The following MND1 variants were observed in gnomAD, a reference collection of about 807,000 sequenced individuals.
MND1 encodes meiotic nuclear division protein 1 homolog.
MND1 carries 28 observed loss-of-function variants against 35.1 expected under a neutral mutation model. That is an observed-to-expected ratio of 0.80 (90% CI 0.59 to 1.09). The LOEUF (loss-of-function observed/expected upper bound fraction) is 1.09. Ranked by LOEUF, MND1 falls within the 50% of genes least tolerant of loss-of-function variation. The probability of loss-of-function intolerance (pLI) is 0.00; values close to 1 mark genes in which losing one functional copy is unlikely to be tolerated. For synonymous variants in MND1, 69 were observed against 70.5 expected (o/e 0.98, Z 0.11); for missense variants, 213 against 239.6 (o/e 0.89, Z 0.73).
intron 4 of MND1, among the ~76,000 whole-genome samples, chr4:153,378,086 AT>A (rs1159242776): frequency 6.6e-6 from 1 of 152,200 alleles, no homozygotes; most frequent in Non-Finnish European, 1.5e-5. Context: ...ACACTGAAAC[AT>A]ACAGAAACAT....
chr4:153,349,217 T>C (rs188255288), intron 1 of MND1, among the ~76,000 whole-genome samples: 50 of 152,234 alleles, frequency 3.3e-4, no homozygotes, highest in Non-Finnish European at 6.6e-4. Context: ...TATTAACATA[T>C]ATTTCAGCTA....
rs1773321960 is a variant in MND1, at chr4:153,355,671, A to C, written c.87A>C (p.Leu29Phe). 6.3e-7 allele frequency: 1 copy of C among 1,585,102 alleles called. No individual in the cohort carries two copies. Among genetic ancestry groups the C allele is most frequent in the Non-Finnish European group, 8.7e-7 (1 of 1,155,310 alleles). The change falls in exon 3 of 8, where the codon TTA (leucine) becomes TTC (phenylalanine). Residue 29 changes from leucine (L) to phenylalanine (F), a missense_variant. Leu to Phe is a conservative substitution (Grantham distance 22, BLOSUM62 0). Coordinates refer to ENST00000240488, the MANE Select transcript of MND1 (RefSeq NM_032117.4). The stretch of plus-strand genomic sequence containing the variant: ...TTAAACAGAAAGATGTATTTCAATT[A>C]AAAGACTTGGAGAAGATTGCTCCCA... ...IFSETKDVFQLKDLEKIAPKE... is the reference protein window; with the variant it reads ...IFSETKDVFQFKDLEKIAPKE...
intron 6 of MND1, among the ~76,000 whole-genome samples, chr4:153,407,636 A>AGTTTCT (rs1729557186): frequency 1.3e-5 from 2 of 152,182 alleles, no homozygotes; most frequent in Non-Finnish European, 2.9e-5. Context: ...TATTAGCAGA[A>AGTTTCT]ACAGCCCAAA....
intron 4 of MND1, among the ~76,000 whole-genome samples, chr4:153,393,363 TCTTTC>T (rs1200625992): frequency 6.8e-6 from 1 of 147,444 alleles, no homozygotes; most frequent in African/African-American, 2.6e-5. Context: ...AAATTCAATT[TCTTTC>T]TTTTTTTTTT....
At chr4:153,414,652 A>G in intron 7 of MND1, 99 bp from the exon 8 acceptor site, 2 of 519,596 alleles carry the variant, frequency 3.8e-6, no homozygotes, top group Non-Finnish European at 6.7e-6. Context: ...ATATATCTGA[A>G]AGTTAATAGA....
intron 7 of MND1, among the ~76,000 whole-genome samples, chr4:153,413,758 G>A (rs1729757378): frequency 6.6e-6 from 1 of 151,518 alleles, no homozygotes; most frequent in Admixed American, 6.6e-5. Context: ...TGAGCACACT[G>A]TCACGGTCCT....
chr4:153,398,788 T>C lies in MND1; in HGVS notation c.466+1455T>C, dbSNP rs139746405. Among the ~76,000 whole-genome samples, 215 of 152,312 alleles carry C rather than the reference T, an allele frequency of 1.4e-3. 2 individuals carry two copies. Among genetic ancestry groups the C allele is most frequent in the African/African-American group, 4.8e-3 (201 of 41,570 alleles). ...CTACAAAAATAAATACCTTAATCTG[T>C]TGGAAAGTTTTAACTAATACCAGGT... On this transcript the variant is annotated intron_variant, in intron 6 of 7. Transcript: ENST00000240488.
intron 6 of MND1, among the ~76,000 whole-genome samples, chr4:153,404,806 A>G (rs1729450078): frequency 1.3e-5 from 2 of 152,178 alleles, no homozygotes; most frequent in Non-Finnish European, 2.9e-5. Flanking sequence ...AGCGGATCAC[A>G]AAGTAGACAA....
intron 6 of MND1, among the ~76,000 whole-genome samples, chr4:153,402,180 A>G (rs1410977127): frequency 6.6e-6 from 1 of 152,210 alleles, no homozygotes; most frequent in Admixed American, 6.5e-5. Flanking sequence ...ATTAATTGCA[A>G]TATCAAAGAA....
At chr4:153,407,688 T>C (rs558813973) in intron 6 of MND1, among the ~76,000 whole-genome samples, 1 of 152,286 alleles carries the variant, frequency 6.6e-6, no homozygotes, top group South Asian at 2.1e-4. Flanking sequence ...TGTAAAATAG[T>C]ACTTCGCATA....
chr4:153,386,575 G>C lies in MND1; in HGVS notation c.277-7687G>C, dbSNP rs576145540. The stretch of plus-strand genomic sequence containing the variant: ...TACTAAAAATACAAAAATTAGTCAG[G>C]CGTGGTGGCATACCCCTGTAATCCC... On this transcript the variant is annotated intron_variant, in intron 4 of 7. Coordinates refer to ENST00000240488, the MANE Select transcript of MND1 (RefSeq NM_032117.4). Among the ~76,000 whole-genome samples, 75 of 152,166 alleles carry C rather than the reference G, an allele frequency of 4.9e-4. 2 individuals carry two copies. The highest frequency in any genetic ancestry group is 4.5e-3 in the Admixed American group (69 of 15,272).
intron 6 of MND1, among the ~76,000 whole-genome samples, chr4:153,402,958 G>T (rs1729383334): frequency 6.6e-6 from 1 of 152,050 alleles, no homozygotes; most frequent in South Asian, 2.1e-4. Flanking sequence ...TGAAGAAAAT[G>T]GCAAAACTCC....
intron 4 of MND1, chr4:153,361,365 T>A (rs899571087): frequency 1.9e-5 from 8 of 424,398 alleles, no homozygotes; most frequent in African/African-American, 1.2e-4. Flanking sequence ...TGAGATGTTT[T>A]GCTATCATTC....
At chr4:153,359,590 T>G (rs916500248) in intron 4 of MND1, among the ~76,000 whole-genome samples, 34 of 152,162 alleles carry the variant, frequency 2.2e-4, no homozygotes, top group African/African-American at 8.2e-4. Flanking sequence ...ATGTTTACTT[T>G]CTAGGAAACT....
At chr4:153,354,489 TTTTTGTTTTG>T (rs372695915) in intron 2 of MND1, among the ~76,000 whole-genome samples, 3 of 152,198 alleles carry the variant, frequency 2.0e-5, no homozygotes, top group Non-Finnish European at 4.4e-5. Flanking sequence ...TTTGTTATTG[TTTTTGTTTTG>T]TTTTGTTTTG....
At chr4:153,408,866 A>T in intron 6 of MND1, 105 bp from the exon 7 acceptor site, 1 of 309,196 alleles carries the variant, frequency 3.2e-6, no homozygotes, top group Non-Finnish European at 5.5e-6. Flanking sequence ...AATTTTGTTC[A>T]TATGAAAAAA....
At chr4:153,384,567 A>G (rs1341931100) in intron 4 of MND1, among the ~76,000 whole-genome samples, 1 of 143,336 alleles carries the variant, frequency 7.0e-6, no homozygotes, top group Non-Finnish European at 1.5e-5. Context: ...TGTTGGGATT[A>G]CAGGCGTGAG....
intron 4 of MND1, among the ~76,000 whole-genome samples, chr4:153,364,103 A>G (rs999047224): frequency 6.6e-6 from 1 of 152,148 alleles, no homozygotes; most frequent in Non-Finnish European, 1.5e-5. Flanking sequence ...AAAGAGAATA[A>G]TAAGTGTTAG....
At chr4:153,381,995 G>A (rs1213304920) in intron 4 of MND1, 1 of 151,662 alleles carries the variant, frequency 6.6e-6, no homozygotes, top group Admixed American at 6.6e-5. Context: ...GGGACTACAG[G>A]TGCACACCAC....
Sources: gnomAD v4.1 joint callset for allele counts (sites outside exome capture counted in the v4.1 genomes callset) on GRCh38, gnomAD v4.1.1 for gene constraint, MANE v1.5 for transcripts, NCBI Gene and HGNC (gene_info 2026-07-23, HGNC 2026-07-21) for gene names.